The following GABRA3 variants were observed in gnomAD, a reference collection of about 807,000 sequenced individuals.
GABRA3 encodes gamma-aminobutyric acid type A receptor subunit alpha3.
A neutral mutation model predicts 30.1 loss-of-function variants in GABRA3; 10 were observed. The observed-to-expected ratio is 0.33, with a 90% CI of 0.20 to 0.56. The LOEUF (loss-of-function observed/expected upper bound fraction) is 0.56, where lower values mean the gene tolerates loss of function less well. Among genes scored for constraint, GABRA3 ranks in the 20% least tolerant of loss-of-function variants. The pLI is 0.89. For missense variants in GABRA3, 233 were observed against 392.0 expected (o/e 0.59, Z 3.42); for synonymous variants, 151 against 146.8 (o/e 1.03, Z -0.21).
At chrX:152,183,269 C>T (rs920106566) in intron 9 of GABRA3, among the ~76,000 whole-genome samples, 1 of 110,084 alleles carries the variant, frequency 9.1e-6, no homozygotes, top group Non-Finnish European at 1.9e-5. Flanking sequence ...ATTCCATTTC[C>T]TCATGATTCA....
At chrX:152,340,860 CAA>C (rs978831001) in intron 3 of GABRA3, among the ~76,000 whole-genome samples, 3 of 110,008 alleles carry the variant, frequency 2.7e-5, no homozygotes, top group Non-Finnish European at 5.7e-5. Flanking sequence ...CAATTTTAAT[CAA>C]AGTTAGAATT....
intron 4 of GABRA3, among the ~76,000 whole-genome samples, chrX:152,275,469 A>ATATATTTACATATTT (rs1307337415): frequency 9.4e-6 from 1 of 106,679 alleles, no homozygotes; most frequent in African/African-American, 3.4e-5. Context: ...AATATCAAAT[A>ATATATTTACATATTT]AATAGAGCTG....
chrX:152,236,302 T>C (rs1342285643), intron 5 of GABRA3, among the ~76,000 whole-genome samples: 1 of 106,076 alleles, frequency 9.4e-6, no homozygotes, highest in African/African-American at 3.5e-5. Context: ...ATTTCATCCA[T>C]GTCCCTACAA....
At chrX:152,370,135 G>A (rs934698547) in intron 1 of GABRA3, among the ~76,000 whole-genome samples, 4 of 112,261 alleles carry the variant, frequency 3.6e-5, no homozygotes, top group Non-Finnish European at 7.5e-5. Context: ...TAAGTCTTCT[G>A]ATAAGTCTTG....
chrX:152,361,746 A>T (rs1483550471), intron 2 of GABRA3, among the ~76,000 whole-genome samples: 1 of 110,207 alleles, frequency 9.1e-6, no homozygotes, highest in Admixed American at 9.7e-5. Context: ...CCACCCAAGT[A>T]GCTGGGACTA....
At chrX:152,403,183 A>C (rs1299848181) in intron 1 of GABRA3, among the ~76,000 whole-genome samples, 1 of 111,565 alleles carries the variant, frequency 9.0e-6, no homozygotes, top group Non-Finnish European at 1.9e-5. Context: ...AATTAAGCTA[A>C]GAAAAAAGAA....
intron 4 of GABRA3, among the ~76,000 whole-genome samples, chrX:152,260,479 G>C (rs777540568): frequency 9.0e-6 from 1 of 111,515 alleles, no homozygotes; most frequent in Non-Finnish European, 1.9e-5. Context: ...AGTCATAGTG[G>C]TGGTGGCCAT....
chrX:152,211,849 C>T (rs1937631502), intron 6 of GABRA3, among the ~76,000 whole-genome samples: 1 of 111,485 alleles, frequency 9.0e-6, no homozygotes, highest in Non-Finnish European at 1.9e-5. Flanking sequence ...ATGAGGCCAC[C>T]TTTAGTAGGT....
chrX:152,405,297 G>A (rs1306642540), intron 1 of GABRA3, among the ~76,000 whole-genome samples: 1 of 74,531 alleles, frequency 1.3e-5, no homozygotes, highest in African/African-American at 6.7e-5. Flanking sequence ...GGGTACTTAC[G>A]CACCCTTGCA....
At chrX:152,333,463 CTAATT>C (rs748850645) in intron 3 of GABRA3, among the ~76,000 whole-genome samples, 86 of 112,015 alleles carry the variant, frequency 7.7e-4, no homozygotes, top group African/African-American at 2.7e-3. Context: ...CTGTTCTACT[CTAATT>C]GAAGATGATA....
intron 1 of GABRA3, among the ~76,000 whole-genome samples, chrX:152,405,232 T>C (rs1470994877): frequency 1.1e-5 from 1 of 92,658 alleles, no homozygotes. Context: ...TGGAACATAA[T>C]ACAAGGCAGA....
chrX:152,249,378 G>A (rs1394692470), intron 5 of GABRA3, among the ~76,000 whole-genome samples: 1 of 111,352 alleles, frequency 9.0e-6, no homozygotes, highest in Non-Finnish European at 1.9e-5. Flanking sequence ...AATAAGTGTT[G>A]TGAAGATTAG....
At chrX:152,265,275 A>T (rs890488819) in intron 4 of GABRA3, among the ~76,000 whole-genome samples, 1 of 111,818 alleles carries the variant, frequency 8.9e-6, no homozygotes, top group African/African-American at 3.2e-5. Flanking sequence ...ACATTAAAAA[A>T]ATTTGAAATA....
intron 1 of GABRA3, among the ~76,000 whole-genome samples, chrX:152,383,534 C>A (rs769365262): frequency 9.1e-6 from 1 of 109,382 alleles, no homozygotes; most frequent in South Asian, 3.9e-4. Context: ...TTACCATGAT[C>A]AACTGGCATT....
chrX:152,424,663 T>A (rs1000271882), intron 1 of GABRA3, among the ~76,000 whole-genome samples: 1 of 111,364 alleles, frequency 9.0e-6, no homozygotes, highest in African/African-American at 3.3e-5. Context: ...CACCCCAAAG[T>A]AGCTGCCATC....
Position 152,212,329 on chromosome X carries a change from AAAT to A in GABRA3, c.635-4188_635-4186del, listed in dbSNP as rs1289553639. ...AAAAAAAAAAAAAAAAAAAAAAAAA[AAAT>A]TCCAAATTGCCTACCCTAAGAACTA... On this transcript the variant is annotated intron_variant, in intron 6 of 9. Coordinates refer to ENST00000370314, the MANE Select transcript of GABRA3 (RefSeq NM_000808.4). Among the ~76,000 whole-genome samples the A allele has an allele frequency of 1.1e-3, 34 of 31,329 alleles. 14 individuals carry two copies. The highest frequency in any genetic ancestry group is 1.4e-3 in the Admixed American group (3 of 2,093). 27.2% of individuals were successfully genotyped at this position (31,329 alleles called of 115,157 possible). A position where few individuals can be genotyped will look rare whatever the true frequency, so the allele number is the denominator to read the frequency against.
At chrX:152,407,994 CA>C (rs1003557912) in intron 1 of GABRA3, among the ~76,000 whole-genome samples, 1 of 110,125 alleles carries the variant, frequency 9.1e-6, no homozygotes, top group African/African-American at 3.3e-5. Flanking sequence ...CAAATGATGT[CA>C]AAAAAAAGAG....
rs186591337 is a variant in GABRA3, at chrX:152,208,013, G to A, written c.766C>T (p.Arg256Trp). Reference protein sequence around the residue: ...LGHVVGTEIIRSSTGEYVVMT... With the variant: ...LGHVVGTEIIWSSTGEYVVMT... ...ATAAGTTAAATACCTGTACTAGACC[G>A]GATTATCTCTGTCCCAACAACATGG... The change falls in exon 7 of 10, where the codon CGG becomes TGG. Residue 256 changes from arginine (R) to tryptophan (W), a missense_variant. Coordinates refer to ENST00000370314, the MANE Select transcript of GABRA3 (RefSeq NM_000808.4). 3 of 1,209,310 alleles carry A rather than the reference G, an allele frequency of 2.5e-6. No homozygotes were observed. The highest frequency in any genetic ancestry group is 1.7e-5 in the African/African-American group (1 of 57,272).
intron 3 of GABRA3, among the ~76,000 whole-genome samples, chrX:152,339,299 C>T: frequency 9.3e-6 from 1 of 107,180 alleles, no homozygotes; most frequent in Middle Eastern, 5.0e-3. Flanking sequence ...GTGATCTCGG[C>T]TCATTGCAAC....
Sources: allele counts gnomAD v4.1 joint callset (sites outside exome capture counted in the v4.1 genomes callset), GRCh38; gene constraint gnomAD v4.1.1; transcripts MANE v1.5; gene names NCBI Gene and HGNC (gene_info 2026-07-23, HGNC 2026-07-21).